WWOX: variants seen among roughly 807,000 people sequenced by gnomAD.
WWOX encodes WW domain containing oxidoreductase.
Under a neutral mutation model 46.2 loss-of-function variants are expected in WWOX, and 69 were observed. The observed-to-expected ratio is 1.49, with a 90% CI of 1.23 to 1.82. WWOX has a LOEUF of 1.82. Among genes scored for constraint, WWOX ranks in the 40% most tolerant of loss-of-function variants. WWOX has a pLI of 0.00. For missense variants in WWOX, 919 were observed against 542.6 expected, an observed-to-expected ratio of 1.69 and a Z score of -6.89; for synonymous variants, 359 against 202.6, an observed-to-expected ratio of 1.77 and a Z score of -6.56.
At chr16:79,186,736 T>G (rs976828729) in intron 8 of WWOX, among the ~76,000 whole-genome samples, 1 of 152,136 alleles carries the variant, frequency 6.6e-6, no homozygotes, top group African/African-American at 2.4e-5. Context: ...GTATCTAGTA[T>G]ACTTGGGACA....
chr16:78,489,492 A>T (rs1307293629), intron 8 of WWOX, among the ~76,000 whole-genome samples: 1 of 151,626 alleles, frequency 6.6e-6, no homozygotes, highest in African/African-American at 2.4e-5. Context: ...TTTTCTAACC[A>T]CTTTCCCAGT....
intron 8 of WWOX, among the ~76,000 whole-genome samples, chr16:78,965,714 T>G (rs1180671910): frequency 6.6e-6 from 1 of 152,224 alleles, no homozygotes; most frequent in East Asian, 1.9e-4. Flanking sequence ...GGCTTTGCCC[T>G]TCCCGCATTG....
intron 8 of WWOX, chr16:78,873,430 G>A (rs1169713436): frequency 6.6e-6 from 1 of 151,814 alleles, no homozygotes; most frequent in Non-Finnish European, 1.5e-5. Flanking sequence ...TAGCAGATGT[G>A]GTAAGAATGT....
At chr16:78,854,254 T>C (rs1567605616) in intron 8 of WWOX, among the ~76,000 whole-genome samples, 2 of 152,248 alleles carry the variant, frequency 1.3e-5, no homozygotes, top group Non-Finnish European at 2.9e-5. Context: ...CTTCATTTTA[T>C]TTTAGATAAA....
chr16:78,422,388 C>G (rs1466680677), intron 6 of WWOX, among the ~76,000 whole-genome samples: 1 of 151,544 alleles, frequency 6.6e-6, no homozygotes, highest in Non-Finnish European at 1.5e-5. Context: ...GAGTCTTGCT[C>G]TGATGCCTGT....
At chr16:78,178,186 G>T (rs2035410382) in intron 5 of WWOX, among the ~76,000 whole-genome samples, 1 of 152,190 alleles carries the variant, frequency 6.6e-6, no homozygotes, top group Non-Finnish European at 1.5e-5. Context: ...GGCCTGGCCT[G>T]GCTGGGTTTG....
At chr16:78,190,063 C>T (rs547921507) in intron 5 of WWOX, among the ~76,000 whole-genome samples, 1 of 152,304 alleles carries the variant, frequency 6.6e-6, no homozygotes, top group Admixed American at 6.5e-5. Flanking sequence ...ATTAATAGCT[C>T]CATCTTAGGA....
chr16:78,872,479 A>G (rs1412691113), intron 8 of WWOX, among the ~76,000 whole-genome samples: 1 of 152,184 alleles, frequency 6.6e-6, no homozygotes, highest in Non-Finnish European at 1.5e-5. Context: ...AGTGGGGGAT[A>G]AAGGGGCTGT....
intron 8 of WWOX, among the ~76,000 whole-genome samples, chr16:78,547,049 G>A (rs745408089): frequency 3.4e-5 from 5 of 148,880 alleles, no homozygotes; most frequent in Admixed American, 2.7e-4. Context: ...GGTTGCTTGA[G>A]CCTGGGAGGT....
At chr16:78,948,925 G>A (rs1015422249) in intron 8 of WWOX, among the ~76,000 whole-genome samples, 2 of 152,144 alleles carry the variant, frequency 1.3e-5, no homozygotes, top group Admixed American at 1.3e-4. Context: ...AGATGTGGCA[G>A]AGGGTAGGCA....
chr16:78,418,844 A>G (rs1377287472), intron 6 of WWOX, among the ~76,000 whole-genome samples: 3 of 152,188 alleles, frequency 2.0e-5, no homozygotes, highest in South Asian at 2.1e-4. Context: ...ATCATAATTA[A>G]TGCTGAAAGA....
At chr16:78,976,129 G>C (rs1002271425) in intron 8 of WWOX, among the ~76,000 whole-genome samples, 1 of 152,096 alleles carries the variant, frequency 6.6e-6, no homozygotes, top group Non-Finnish European at 1.5e-5. Context: ...GTCCATCCTC[G>C]AATATCCTGC....
chr16:78,896,258 G>T (rs116017331), intron 8 of WWOX: 215 of 150,052 alleles, frequency 1.4e-3, no homozygotes, highest in Middle Eastern at 7.0e-3. Context: ...GTTTCCAATT[G>T]TTTTTGTAAA....
intron 8 of WWOX, among the ~76,000 whole-genome samples, chr16:79,190,756 C>T (rs1002889816): frequency 9.2e-5 from 14 of 152,156 alleles, no homozygotes; most frequent in African/African-American, 3.4e-4. Flanking sequence ...GGAACACAGC[C>T]AGGTGCATTT....
chr16:78,728,658 G>C (rs535629510), intron 8 of WWOX, among the ~76,000 whole-genome samples: 1 of 152,290 alleles, frequency 6.6e-6, no homozygotes, highest in South Asian at 2.1e-4. Flanking sequence ...CATCCCTGAG[G>C]GTCCCTTGAC....
chr16:78,967,594 T>G (rs1289133824), intron 8 of WWOX, among the ~76,000 whole-genome samples: 1 of 151,154 alleles, frequency 6.6e-6, no homozygotes, highest in Non-Finnish European at 1.5e-5. Context: ...TGTGAGCCAC[T>G]ATGCCCAATA....
chr16:78,734,470 G>T (rs751567032), intron 8 of WWOX, among the ~76,000 whole-genome samples: 1 of 151,848 alleles, frequency 6.6e-6, no homozygotes, highest in Non-Finnish European at 1.5e-5. Context: ...TAAATCTTAC[G>T]GTCTGCGGGT....
chr16:78,986,230 T>A (rs11150127), intron 8 of WWOX, among the ~76,000 whole-genome samples: 135,621 of 152,224 alleles, frequency 0.89, 61,548 homozygotes, highest in Non-Finnish European at 0.99. Flanking sequence ...CCACTGGGGA[T>A]GATAGAAAAA....
chr16:78,734,900 C>T (rs983549304), intron 8 of WWOX, among the ~76,000 whole-genome samples: 4 of 103,896 alleles, frequency 3.9e-5, no homozygotes, highest in Admixed American at 1.6e-4. Flanking sequence ...GGGTCTGGCT[C>T]TGTTGGCTAG....
Sources: gnomAD v4.1 joint callset for allele counts (sites outside exome capture counted in the v4.1 genomes callset) on GRCh38, gnomAD v4.1.1 for gene constraint, MANE v1.5 for transcripts, NCBI Gene and HGNC (gene_info 2026-07-23, HGNC 2026-07-21) for gene names.